Variants in BPIFB4 observed in about 807,000 individuals in gnomAD.
BPIFB4 encodes BPI fold containing family B member 4.
In BPIFB4, 62 loss-of-function variants were observed where a neutral mutation model predicts 69.2. The ratio of observed to expected loss-of-function variants is 0.90; its 90% CI spans 0.73 to 1.11. The LOEUF (loss-of-function observed/expected upper bound fraction) is 1.11. Among genes scored for constraint, BPIFB4 ranks in the 50% least tolerant of loss-of-function variants. The pLI is 0.00. For synonymous variants in BPIFB4, 330 were observed against 332.7 expected (o/e 0.99, Z 0.09); for missense variants, 789 against 792.0 (o/e 1.00, Z 0.04).
intron 12 of BPIFB4, 23 bp downstream of exon 12, chr20:33,095,176 A>T: frequency 6.3e-7 from 1 of 1,580,384 alleles, no homozygotes; most frequent in Non-Finnish European, 8.7e-7. Flanking sequence ...GGCAGGTCCC[A>T]TTGCCTTCAG....
rs766571608 is a variant in BPIFB4, at chr20:33,111,415, ACCTT to A, written c.1824_1827del (p.Leu609TrpfsTer3). 6.2e-7 allele frequency: 1 copy of A among 1,613,884 alleles called. No individual in the cohort carries two copies. The highest frequency in any genetic ancestry group is 8.5e-7 in the Non-Finnish European group (1 of 1,179,868). ...GGCTACTCTGTTCTGCCATCCAAGG[ACCTT>A]TTGGTGCTGAGCGCATGAGTGACAG... On this transcript the variant is annotated frameshift_variant and splice_region_variant, in exon 18 of 18. Transcript: ENST00000375483. LOFTEE classifies it high-confidence loss of function.
intron 17 of BPIFB4, among the ~76,000 whole-genome samples, chr20:33,108,421 G>GTATATATATATATATATATATATATA (rs1982135786): frequency 6.7e-5 from 3 of 44,670 alleles, no homozygotes; most frequent in Admixed American, 4.1e-4. Context: ...ATATATATAT[G>GTATATATATATATATATATATATATA]TCTATATATA....
At chr20:33,082,549 G>A (rs1981266601) in intron 3 of BPIFB4, among the ~76,000 whole-genome samples, 1 of 152,100 alleles carries the variant, frequency 6.6e-6, no homozygotes, top group Non-Finnish European at 1.5e-5. Flanking sequence ...GGCCAGGCTG[G>A]TCTCTAACTC....
chr20:33,103,630 C>T (rs994280229), intron 15 of BPIFB4, among the ~76,000 whole-genome samples: 18 of 152,178 alleles, frequency 1.2e-4, no homozygotes, highest in African/African-American at 4.1e-4. Context: ...CCCCACCCCC[C>T]CACCTCCGCT....
chr20:33,106,272 G>C (rs1600564434), intron 16 of BPIFB4, among the ~76,000 whole-genome samples: 1 of 152,134 alleles, frequency 6.6e-6, no homozygotes, highest in African/African-American at 2.4e-5. Flanking sequence ...TCAATGGCTA[G>C]GGCTCCACGT....
At chr20:33,089,355 C>G (rs1981528684) in intron 8 of BPIFB4, 143 bp from the exon 9 acceptor site, 1 of 1,334,612 alleles carries the variant, frequency 7.5e-7, no homozygotes, top group African/African-American at 1.5e-5. Context: ...AGACAGCCTT[C>G]CCCACAGGGC....
chr20:33,086,118 C>T lies in BPIFB4; in HGVS notation c.880C>T (p.Arg294Ter), dbSNP rs377208700. The change falls in exon 7 of 18, where the codon CGA becomes TGA. Residue 294 changes from arginine (R) to a stop codon, truncating the protein, a stop_gained. Transcript: ENST00000375483. LOFTEE classifies it high-confidence loss of function. ...GGGTTATCCTCGGCTGGTCATTGAG[C>T]GATGTGACACCCTCCTAGGGGGCAT... is the stretch of plus-strand genomic sequence containing the variant. ...RTGYPRLVIE[R>*]CDTLLGGIKV... is the part of the protein sequence containing the mutation. 4.2e-5 allele frequency: 67 copies of T among 1,613,258 alleles called. No individual in the cohort carries two copies. In the Middle Eastern group the frequency reaches 5.0e-4, roughly 12 times the overall value.
In BPIFB4 at chr20:33,086,035, T is replaced by C; in HGVS notation, c.797T>C (p.Leu266Pro). Reference protein sequence around the residue: ...AINGKSLIGFLDIAVEVNITA... With the variant: ...AINGKSLIGFPDIAVEVNITA... ...GCCTCCTCCAGTCTTATTGGCTTCC[T>C]GGACATCGCAGTAGAAGTGAACATC... The change falls in exon 7 of 18, where the codon CTG (leucine) becomes CCG (proline). Residue 266 changes from leucine to proline, a missense_variant. This residue lies in a region of BPIFB4 where 611 missense variants were observed against 575.4 expected (regional missense o/e 1.06). Transcript: ENST00000375483. 1 of 1,609,094 alleles carries C rather than the reference T, an allele frequency of 6.2e-7. No homozygotes were observed. Among genetic ancestry groups the C allele is most frequent in the African/African-American group, 1.3e-5 (1 of 74,948 alleles).
At position 33,092,454 on chromosome 20, in the gene BPIFB4, C is replaced by G; in HGVS notation, c.1144-4C>G. The stretch of plus-strand genomic sequence containing the variant: ...TGTGACCCCTTTCTTCTCTTCTCCC[C>G]CAGACGCTGGTTGGGGAGGCTGGAG... On this transcript the variant is annotated splice_polypyrimidine_tract_variant and splice_region_variant and intron_variant, in intron 10 of 17. Transcript: ENST00000375483. 2 of 1,612,024 alleles carry G rather than the reference C, an allele frequency of 1.2e-6. No individual in the cohort carries two copies. The highest frequency in any genetic ancestry group is 1.7e-6 in the Non-Finnish European group (2 of 1,178,424).
chr20:33,094,648 A>G (rs1981705689), intron 11 of BPIFB4, among the ~76,000 whole-genome samples: 1 of 151,994 alleles, frequency 6.6e-6, no homozygotes, highest in South Asian at 2.1e-4. Context: ...CTGGGATTAC[A>G]GGCATGTGCC....
In BPIFB4 at chr20:33,083,705, G is replaced by A. The variant is rs758388215; in HGVS notation, c.508G>A (p.Gly170Ser). ...GVATGAVGPG[G>S]LLGTGGMLAA... ...TGCCACTGGGGCGGTGGGCCCAGGTGGTTTGCTGGGCACTGGAGGCATGCT... is the reference window on the plus strand; with the variant it reads ...TGCCACTGGGGCGGTGGGCCCAGGTAGTTTGCTGGGCACTGGAGGCATGCT... Residue 170 changes from glycine to serine, a missense_variant, in exon 5 of 18, where the codon GGT (glycine) becomes AGT (serine). Coordinates refer to ENST00000375483, the MANE Select transcript of BPIFB4 (RefSeq NM_182519.3). 2 of 1,614,012 alleles carry A rather than the reference G, an allele frequency of 1.2e-6. No individual in the cohort carries two copies. Among genetic ancestry groups the A allele is most frequent in the Non-Finnish European group, 1.7e-6 (2 of 1,179,964 alleles).
chr20:33,106,358 GAC>G (rs1018947499), intron 16 of BPIFB4, among the ~76,000 whole-genome samples: 33 of 150,256 alleles, frequency 2.2e-4, no homozygotes, highest in African/African-American at 7.1e-4. Flanking sequence ...TGATGCTGGG[GAC>G]ACAGCTCTTT....
intron 17 of BPIFB4, among the ~76,000 whole-genome samples, chr20:33,109,680 T>G (rs1273774732): frequency 6.6e-6 from 1 of 152,222 alleles, no homozygotes; most frequent in Non-Finnish European, 1.5e-5. Flanking sequence ...TGACTTACCT[T>G]TTCTTTCTCC....
chr20:33,108,423 CTATA>C (rs756747954), intron 17 of BPIFB4, among the ~76,000 whole-genome samples: 3 of 125,704 alleles, frequency 2.4e-5, no homozygotes, highest in Admixed American at 8.5e-5. Flanking sequence ...ATATATATGT[CTATA>C]TATATATATA....
chr20:33,105,242 A>C (rs1982015386), intron 16 of BPIFB4, among the ~76,000 whole-genome samples: 1 of 152,122 alleles, frequency 6.6e-6, no homozygotes, highest in African/African-American at 2.4e-5. Flanking sequence ...CTTTTTCTCC[A>C]TTGTTTTCCC....
chr20:33,104,245 T>A (rs1314306507), intron 15 of BPIFB4, among the ~76,000 whole-genome samples: 1 of 152,194 alleles, frequency 6.6e-6, no homozygotes, highest in East Asian at 1.9e-4. Context: ...AACCAAGGCT[T>A]AGAGAAGTTA....
At chr20:33,100,645 C>T in intron 14 of BPIFB4, 152 bp downstream of exon 14, 1 of 647,904 alleles carries the variant, frequency 1.5e-6, no homozygotes. Flanking sequence ...CTACCATTAC[C>T]ACTGTCACAA....
At position 33,095,298 on chromosome 20, in the gene BPIFB4, G is replaced by A. The variant is rs1981726246; in HGVS notation, c.1398+145G>A. The A allele has an allele frequency of 5.7e-6, 5 of 883,756 alleles. No homozygotes were observed. The Admixed American group carries it at 7.6e-5, about 13-fold the overall frequency. The allele number at this position is 883,756 out of a possible 1,614,324, so 54.7% of individuals were successfully genotyped here. ...TGGGAGTGCAGTGACAGTGACAAGG[G>A]CTTGCAGGCTAGACCCCCATGGGTG... On this transcript the variant is annotated intron_variant, in intron 12 of 17. Coordinates refer to ENST00000375483, the MANE Select transcript of BPIFB4 (RefSeq NM_182519.3).
chr20:33,094,303 T>C (rs1368944992), intron 11 of BPIFB4, among the ~76,000 whole-genome samples: 1 of 152,212 alleles, frequency 6.6e-6, no homozygotes, highest in Non-Finnish European at 1.5e-5. Context: ...TCTCTTTGTG[T>C]CAAGTGGTAC....
Sources: allele counts gnomAD v4.1 joint callset (sites outside exome capture counted in the v4.1 genomes callset), GRCh38; gene constraint gnomAD v4.1.1; regional missense constraint gnomAD v4.1.1; transcripts MANE v1.5; gene names NCBI Gene and HGNC (gene_info 2026-07-23, HGNC 2026-07-21).